The following PPM1G variants were observed in gnomAD, a reference collection of about 807,000 sequenced individuals.
PPM1G encodes the protein protein phosphatase 1G.
In PPM1G, 12 loss-of-function variants were observed where a neutral mutation model predicts 59.4. That is an observed-to-expected ratio of 0.20 (90% CI 0.13 to 0.33). The LOEUF (loss-of-function observed/expected upper bound fraction) is 0.33. Among genes scored for constraint, PPM1G ranks in the 10% least tolerant of loss-of-function variants. The pLI is 1.00. For missense variants in PPM1G, 392 were observed against 681.3 expected, an observed-to-expected ratio of 0.58 and a Z score of 4.73; for synonymous variants, 245 against 251.9, an observed-to-expected ratio of 0.97 and a Z score of 0.26.
chr2:27,382,308 G>T lies in PPM1G; in HGVS notation c.1332-80C>A. ...GAGTATGGACAGAGGTGGTGGCCCA[G>T]GCCAGTGTAAATAACTACAGAAATT... On this transcript the variant is annotated intron_variant, in intron 8 of 9. Coordinates refer to ENST00000344034, the MANE Select transcript of PPM1G (RefSeq NM_177983.3). This position sits in a 1 kb window ranked among gnomAD's most constrained non-coding sequence, Gnocchi z 4.2. The T allele has an allele frequency of 6.4e-7, 1 of 1,562,420 alleles. No individual in the cohort carries two copies. The highest frequency in any genetic ancestry group is 1.1e-5 in the South Asian group (1 of 89,746).
chr2:27,393,384 AG>A (rs1683966872), intron 1 of PPM1G: 1 of 1,500,502 alleles, frequency 6.7e-7, no homozygotes, highest in Non-Finnish European at 9.1e-7. Context: ...GACTAAGGAG[AG>A]GCGGCGGCAG....
At chr2:27,407,947 T>G (rs1216714041) in intron 1 of PPM1G, among the ~76,000 whole-genome samples, 1 of 151,804 alleles carries the variant, frequency 6.6e-6, no homozygotes, top group Non-Finnish European at 1.5e-5. Flanking sequence ...CTAGGGAGGC[T>G]GAGGCAGGAG....
chr2:27,402,976 C>A (rs976184857), intron 1 of PPM1G, among the ~76,000 whole-genome samples: 1 of 150,228 alleles, frequency 6.7e-6, no homozygotes, highest in Non-Finnish European at 1.5e-5. Context: ...TAGGCTGAGG[C>A]TGGAAGACCC....
chr2:27,384,397 A>G lies in PPM1G; in HGVS notation c.825+276T>C, dbSNP rs1229808933. ...AGAGAAGAAAACAGTCAACTAGCCA[A>G]GGTAACAACTATCTCCTTGTTCTCT... On this transcript the variant is annotated intron_variant, in intron 5 of 9. Coordinates refer to ENST00000344034, the MANE Select transcript of PPM1G (RefSeq NM_177983.3). The surrounding 1 kb of genome is among the most constrained non-coding windows in gnomAD (Gnocchi z 4.8). 1.3e-5 allele frequency among the ~76,000 whole-genome samples: 2 copies of G among 152,244 alleles called. No individual in the cohort carries two copies. The highest frequency in any genetic ancestry group is 3.8e-4 in the East Asian group (2 of 5,206).
chr2:27,400,274 T>C (rs1477158591), intron 1 of PPM1G, among the ~76,000 whole-genome samples: 1 of 152,014 alleles, frequency 6.6e-6, no homozygotes, highest in Non-Finnish European at 1.5e-5. Flanking sequence ...TGATGGTGGG[T>C]ACCTGTAGTC....
chr2:27,408,518 CT>C (rs2148430108), intron 1 of PPM1G, among the ~76,000 whole-genome samples: 1 of 152,134 alleles, frequency 6.6e-6, no homozygotes, highest in South Asian at 2.1e-4. Flanking sequence ...TAGAAAAGCC[CT>C]TTGTAGGTAG....
At chr2:27,402,782 G>A (rs1163659995) in intron 1 of PPM1G, among the ~76,000 whole-genome samples, 1 of 151,172 alleles carries the variant, frequency 6.6e-6, no homozygotes, top group Non-Finnish European at 1.5e-5. Context: ...ACTCCAGCCT[G>A]GGTGACAGTG....
At chr2:27,391,948 T>C (rs1683915219) in intron 1 of PPM1G, among the ~76,000 whole-genome samples, 1 of 151,994 alleles carries the variant, frequency 6.6e-6, no homozygotes, top group South Asian at 2.1e-4. Flanking sequence ...GCCAGGATGG[T>C]CTCGATCTCC....
rs750873924 is a variant in PPM1G at position 27,385,141 on chromosome 2, C to T, written c.410-53G>A. 1.8e-5 allele frequency: 27 copies of T among 1,514,142 alleles called. No individual in the cohort carries two copies. The highest frequency in any genetic ancestry group is 6.8e-5 in the East Asian group (3 of 44,142). 93.8% of individuals were successfully genotyped at this position (1,514,142 alleles called of 1,614,324 possible). On this transcript the variant is annotated intron_variant, in intron 4 of 9. Coordinates refer to ENST00000344034, the MANE Select transcript of PPM1G (RefSeq NM_177983.3). This position sits in a 1 kb window ranked among gnomAD's most constrained non-coding sequence, Gnocchi z 4.1. ...CCCATGCCAGACTCCTCATGGGATC[C>T]GTCCCTCTCACTACCTCAACAGCCC... is the stretch of plus-strand genomic sequence containing the variant.
intron 1 of PPM1G, among the ~76,000 whole-genome samples, chr2:27,391,585 T>C (rs1044816628): frequency 2.6e-5 from 4 of 152,190 alleles, no homozygotes; most frequent in African/African-American, 9.6e-5. Context: ...GTTGGATGTA[T>C]ACTTTGTGAA....
chr2:27,398,973 G>A (rs767511966), intron 1 of PPM1G, among the ~76,000 whole-genome samples: 18 of 151,324 alleles, frequency 1.2e-4, no homozygotes, highest in Admixed American at 6.6e-4. Context: ...GGTGAAACCC[G>A]GTCTCTACTA....
chr2:27,407,978 C>G (rs1316202562), intron 1 of PPM1G, among the ~76,000 whole-genome samples: 1 of 151,002 alleles, frequency 6.6e-6, no homozygotes, highest in African/African-American at 2.4e-5. Flanking sequence ...ACCTGGGAGG[C>G]GGAGGTTGCG....
Position 27,381,532 on chromosome 2 carries a change from A to ACAAAACT in PPM1G, c.*60_*66dup. 6.3e-7 allele frequency: 1 copy of ACAAAACT among 1,588,472 alleles called. No homozygotes were observed. The highest frequency in any genetic ancestry group is 8.6e-7 in the Non-Finnish European group (1 of 1,157,586). ...CCACTGCTAAGGCTAAAGGAAAAAG[A>ACAAAACT]CAAAACTCAGTCTCAGGTCCGGAGG... On this transcript the variant is annotated 3_prime_UTR_variant, in exon 10 of 10. Transcript: ENST00000344034.
intron 1 of PPM1G, among the ~76,000 whole-genome samples, chr2:27,406,752 G>C (rs953951577): frequency 1.3e-5 from 2 of 152,110 alleles, no homozygotes; most frequent in Admixed American, 1.3e-4. Context: ...GTAAGTAAAA[G>C]TAGAAAGAAG....
At chr2:27,392,613 G>T (rs1228986544) in intron 1 of PPM1G, among the ~76,000 whole-genome samples, 3 of 149,332 alleles carry the variant, frequency 2.0e-5, no homozygotes, top group Admixed American at 1.3e-4. Flanking sequence ...TTTTTTTTTG[G>T]GGGGGGGGAG....
intron 1 of PPM1G, among the ~76,000 whole-genome samples, chr2:27,404,710 C>A (rs969781618): frequency 6.6e-6 from 1 of 151,584 alleles, no homozygotes; most frequent in Non-Finnish European, 1.5e-5. Flanking sequence ...TTTGGGAGGC[C>A]GAGGCGGGCG....
rs888004337 is a variant in PPM1G, at chr2:27,386,044, G to C, written c.276+150C>G. 4.0e-6 allele frequency: 5 copies of C among 1,240,662 alleles called. No homozygotes were observed. In the African/African-American group the frequency reaches 7.6e-5, roughly 19 times the overall value. 76.9% of individuals were successfully genotyped at this position (1,240,662 alleles called of 1,614,324 possible). On this transcript the variant is annotated intron_variant, in intron 3 of 9. Coordinates refer to ENST00000344034, the MANE Select transcript of PPM1G (RefSeq NM_177983.3). Reference sequence around the variant, plus strand: ...TAGGAATAATAAGGCAAGTCTAAAAGGCGGCCAATAAGCTCGTTTTAGGAA... The same window carrying C: ...TAGGAATAATAAGGCAAGTCTAAAACGCGGCCAATAAGCTCGTTTTAGGAA...
At chr2:27,381,938 C>A in intron 9 of PPM1G, 133 bp from the exon 10 acceptor site, 1 of 1,016,298 alleles carries the variant, frequency 9.8e-7, no homozygotes. Context: ...ACACAACGGC[C>A]CACCTGCTAG....
chr2:27,393,638 G>A (rs1298568239), intron 1 of PPM1G, among the ~76,000 whole-genome samples: 2 of 152,166 alleles, frequency 1.3e-5, no homozygotes, highest in African/African-American at 4.8e-5. Context: ...AGGCTGGAGT[G>A]CAGTGGCGCA....
Sources: allele counts gnomAD v4.1 joint callset (sites outside exome capture counted in the v4.1 genomes callset), GRCh38; gene constraint gnomAD v4.1.1; non-coding constraint Gnocchi (gnomAD v3.1); transcripts MANE v1.5; gene names NCBI Gene and HGNC (gene_info 2026-07-23, HGNC 2026-07-21).